Variants in CNR2 observed in about 807,000 individuals in gnomAD.
CNR2 encodes the protein cannabinoid receptor 2.
For synonymous variants in CNR2, 172 were observed against 182.2 expected, an observed-to-expected ratio of 0.94 and a Z score of 0.45; for missense variants, 379 against 439.9, an observed-to-expected ratio of 0.86 and a Z score of 1.24.
In CNR2 at chr1:23,875,659, T is replaced by C. The variant is rs751699170; in HGVS notation, c.-42A>G. The C allele has an allele frequency of 6.5e-7, 1 of 1,545,508 alleles. No individual in the cohort carries two copies. Among genetic ancestry groups the C allele is most frequent in the Non-Finnish European group, 8.7e-7 (1 of 1,145,896 alleles). On this transcript the variant is annotated 5_prime_UTR_variant, in exon 2 of 2. Coordinates refer to ENST00000374472, the MANE Select transcript of CNR2 (RefSeq NM_001841.3). ...ATTCCACTGAGCTTGTCTAGAAGGC[T>C]TTGCTGCAGTACAATGAGAAGAAGA...
At chr1:23,912,490 C>T (rs982205256) in intron 1 of CNR2, among the ~76,000 whole-genome samples, 1 of 152,234 alleles carries the variant, frequency 6.6e-6, no homozygotes, top group Non-Finnish European at 1.5e-5. Flanking sequence ...GCCGCGAAGC[C>T]GGAGTGCCTA....
At position 23,873,002 on chromosome 1, in the gene CNR2, C is replaced by T. The variant is rs1252290458; in HGVS notation, c.*1533G>A. On this transcript the variant is annotated 3_prime_UTR_variant, in exon 2 of 2. Coordinates refer to ENST00000374472, the MANE Select transcript of CNR2 (RefSeq NM_001841.3). ...TCAGGACCCTGCACAGAGCCTGGCT[C>T]ATGTTTATGAGATGAATGAATAAGT... 2 of 152,210 alleles carry T rather than the reference C, an allele frequency of 1.3e-5. No homozygotes were observed. The highest frequency in any genetic ancestry group is 2.1e-4 in the South Asian group (1 of 4,818). 9.4% of individuals were successfully genotyped at this position (152,210 alleles called of 1,614,324 possible).
chr1:23,895,344 T>G (rs9424398), intron 1 of CNR2, among the ~76,000 whole-genome samples: 124,376 of 152,140 alleles, frequency 0.82, 50,946 homozygotes, highest in Admixed American at 0.84. Flanking sequence ...AATGCTTACA[T>G]TCATAACATA....
intron 1 of CNR2, among the ~76,000 whole-genome samples, chr1:23,899,982 GAAAGA>G (rs1640370329): frequency 2.4e-4 from 1 of 4,198 alleles, no homozygotes; most frequent in Admixed American, 4.9e-3. Flanking sequence ...AGGAAAGAAA[GAAAGA>G]AAAGAAAGAA....
At chr1:23,876,422 C>T (rs569238238) in intron 1 of CNR2, among the ~76,000 whole-genome samples, 10 of 151,792 alleles carry the variant, frequency 6.6e-5, no homozygotes, top group South Asian at 6.3e-4. Context: ...CAGCTGGTCT[C>T]GAACTCCTGA....
intron 1 of CNR2, among the ~76,000 whole-genome samples, chr1:23,900,674 G>C (rs1246635697): frequency 6.6e-6 from 1 of 151,706 alleles, no homozygotes; most frequent in Admixed American, 6.6e-5. Context: ...GCCTGGCCAA[G>C]TTTGTATTTT....
intron 1 of CNR2, among the ~76,000 whole-genome samples, chr1:23,876,387 A>G (rs1429626622): frequency 6.6e-6 from 1 of 151,646 alleles, no homozygotes; most frequent in Non-Finnish European, 1.5e-5. Context: ...TACTTTTAGT[A>G]GAGACCGGGT....
chr1:23,875,181 G>A lies in CNR2; in HGVS notation c.437C>T (p.Thr146Ile), dbSNP rs1423785471. 55 of 1,614,008 alleles carry A rather than the reference G, an allele frequency of 3.4e-5. No homozygotes were observed. The highest frequency in any genetic ancestry group is 4.4e-5 in the Non-Finnish European group (52 of 1,179,998). ...CAGGGTCACCAGTGCCCTTCCACGG[G>A]TGAGCAGAGCTTTGTAGGAAGGTGG... is the stretch of plus-strand genomic sequence containing the variant. The part of the protein sequence containing the change: ...RYPPSYKALL[T>I]RGRALVTLGI... The change falls in exon 2 of 2, where the codon ACC becomes ATC. Residue 146 changes from threonine (T) to isoleucine (I), a missense_variant. Physicochemically the swap from Thr to Ile is moderately conservative, Grantham distance 89. Transcript: ENST00000374472.
At chr1:23,890,019 C>T (rs1640157487) in intron 1 of CNR2, among the ~76,000 whole-genome samples, 1 of 151,960 alleles carries the variant, frequency 6.6e-6, no homozygotes, top group Non-Finnish European at 1.5e-5. Context: ...CCTGTAATCC[C>T]AGCACTTTGG....
rs1640617106 is a variant in CNR2 at position 23,913,311 on chromosome 1, TC to T, written c.-112del. On this transcript the variant is annotated 5_prime_UTR_variant, in exon 1 of 2. Transcript: ENST00000374472. Reference sequence around the variant, plus strand: ...GCTGAGGAGTCCCAGTTGTTTTCTGTCCTCTCCCAGGACCTGGCCGTGGGTG... The same window carrying T: ...GCTGAGGAGTCCCAGTTGTTTTCTGTCTCTCCCAGGACCTGGCCGTGGGTG... 1 of 152,904 alleles carries T rather than the reference TC, an allele frequency of 6.5e-6. No homozygotes were observed. The highest frequency in any genetic ancestry group is 1.9e-4 in the East Asian group (1 of 5,312). 9.5% of individuals were successfully genotyped at this position (152,904 alleles called of 1,614,324 possible).
intron 1 of CNR2, among the ~76,000 whole-genome samples, chr1:23,888,877 G>A (rs961384879): frequency 2.0e-5 from 3 of 152,094 alleles, no homozygotes; most frequent in Admixed American, 6.6e-5. Flanking sequence ...GCTGAAGTAC[G>A]AGAATCACTT....
chr1:23,902,184 G>A, intron 1 of CNR2: 1 of 1,368,506 alleles, frequency 7.3e-7, no homozygotes, highest in South Asian at 1.2e-5. Context: ...AGTTCAGGAC[G>A]GCCTTGAAGA....
At position 23,873,997 on chromosome 1, in the gene CNR2, A is replaced by G. The variant is rs1639812272; in HGVS notation, c.*538T>C. 1 of 153,458 alleles carries G rather than the reference A, an allele frequency of 6.5e-6. No individual in the cohort carries two copies. The highest frequency in any genetic ancestry group is 1.5e-5 in the Non-Finnish European group (1 of 68,808). The allele number at this position is 153,458 out of a possible 1,614,324, so 9.5% of individuals were successfully genotyped here. On this transcript the variant is annotated 3_prime_UTR_variant, in exon 2 of 2. Transcript: ENST00000374472. ...AAGGCTTGTCATTTATCTCTGAAAG[A>G]GGCAAGTCAACACCTTAATCCTCAT...
intron 1 of CNR2, among the ~76,000 whole-genome samples, chr1:23,912,295 C>A (rs1278974504): frequency 6.6e-6 from 1 of 152,220 alleles, no homozygotes; most frequent in East Asian, 1.9e-4. Context: ...CCAAAGCAGA[C>A]CCCTGGCCTC....
Position 23,875,594 on chromosome 1 carries a change from C to A in CNR2, c.24G>T (p.Glu8Asp). The A allele has an allele frequency of 6.2e-7, 1 of 1,606,448 alleles. No individual in the cohort carries two copies. The highest frequency in any genetic ancestry group is 8.5e-7 in the Non-Finnish European group (1 of 1,174,732). ...AGCCATCCTTGGAGCCATTGGCTAT[C>A]TCTGTCACCCAGCATTCCTCCATGG... MEECWVT[E>D]IANGSKDGLD... The change falls in exon 2 of 2, where the codon GAG becomes GAT. Residue 8 changes from glutamate to aspartate, a missense_variant. By Grantham distance (45) the Glu-to-Asp change is conservative. Coordinates refer to ENST00000374472, the MANE Select transcript of CNR2 (RefSeq NM_001841.3).
At chr1:23,877,363 C>T (rs1000919043) in intron 1 of CNR2, among the ~76,000 whole-genome samples, 10 of 152,140 alleles carry the variant, frequency 6.6e-5, no homozygotes, top group Middle Eastern at 3.2e-3. Flanking sequence ...TGGCCGGGCA[C>T]GGTGGCTCAC....
intron 1 of CNR2, among the ~76,000 whole-genome samples, chr1:23,890,438 C>A (rs2148464486): frequency 6.6e-6 from 1 of 152,048 alleles, no homozygotes. Flanking sequence ...GTTCAACCTG[C>A]AAGAATGACC....
At chr1:23,901,336 C>T in intron 1 of CNR2, 1 of 781,346 alleles carries the variant, frequency 1.3e-6, no homozygotes, top group Admixed American at 3.1e-5. Context: ...GCCTACTTCA[C>T]AGAATCAAGC....
chr1:23,875,882 G>A lies in CNR2; in HGVS notation c.-45-220C>T, dbSNP rs116341471. Among the ~76,000 whole-genome samples, 1,375 of 152,144 alleles carry A rather than the reference G, an allele frequency of 9.0e-3. 17 individuals carry two copies. Among genetic ancestry groups the A allele is most frequent in the African/African-American group, 0.032 (1,342 of 41,518 alleles). ...GGGGAGGTACGTGGGAATGCAACAA[G>A]CAGAAGTGACTTGTGAGATTTTTGG... On this transcript the variant is annotated intron_variant, in intron 1 of 1. Transcript: ENST00000374472.
Sources: allele counts gnomAD v4.1 joint callset (sites outside exome capture counted in the v4.1 genomes callset), GRCh38; gene constraint gnomAD v4.1.1; transcripts MANE v1.5; gene names NCBI Gene and HGNC (gene_info 2026-07-23, HGNC 2026-07-21).